The following THSD7B variants were observed in gnomAD, a reference collection of about 807,000 sequenced individuals.
The protein encoded by THSD7B is thrombospondin type 1 domain containing 7B.
A neutral mutation model predicts 213.6 loss-of-function variants in THSD7B; 138 were observed. That is an observed-to-expected ratio of 0.65 (90% confidence interval 0.56 to 0.74). The LOEUF (loss-of-function observed/expected upper bound fraction) is 0.74. THSD7B is among the 30% of genes least tolerant of loss of function. The pLI is 0.00. For missense variants in THSD7B, 1,931 were observed against 1,991.5 expected (o/e 0.97, Z 0.58); for synonymous variants, 742 against 687.0 (o/e 1.08, Z -1.25).
intron 1 of THSD7B, among the ~76,000 whole-genome samples, chr2:136,810,290 A>C (rs1440444000): frequency 2.0e-5 from 3 of 152,176 alleles, no homozygotes; most frequent in Non-Finnish European, 4.4e-5. Context: ...CTTTTGCCAG[A>C]GGAGATGGAA....
At chr2:137,522,778 G>T (rs1015986429) in intron 15 of THSD7B, among the ~76,000 whole-genome samples, 2 of 152,148 alleles carry the variant, frequency 1.3e-5, no homozygotes, top group Non-Finnish European at 2.9e-5. Flanking sequence ...GCAGAACAGG[G>T]CACTTAGGAA....
At chr2:137,181,888 T>C (rs1484610129) in intron 7 of THSD7B, among the ~76,000 whole-genome samples, 1 of 152,140 alleles carries the variant, frequency 6.6e-6, no homozygotes, top group African/African-American at 2.4e-5. Context: ...ATTATCAAGA[T>C]TATGTTTAAT....
intron 2 of THSD7B, among the ~76,000 whole-genome samples, chr2:136,958,655 A>T (rs1004181174): frequency 3.9e-5 from 6 of 152,224 alleles, no homozygotes; most frequent in Non-Finnish European, 7.3e-5. Context: ...AAGACTCTTT[A>T]ATTATTTTTG....
chr2:137,535,832 G>A (rs1680494662), intron 15 of THSD7B, among the ~76,000 whole-genome samples: 1 of 151,478 alleles, frequency 6.6e-6, no homozygotes, highest in African/African-American at 2.4e-5. Flanking sequence ...AATGATGTGA[G>A]GGGGATGCTG....
chr2:136,797,031 C>T (rs1480590478), intron 1 of THSD7B, among the ~76,000 whole-genome samples: 1 of 144,808 alleles, frequency 6.9e-6, no homozygotes, highest in Non-Finnish European at 1.6e-5. Context: ...AAACTGAAGA[C>T]TCATTTGTTT....
intron 2 of THSD7B, among the ~76,000 whole-genome samples, chr2:137,030,477 C>A (rs574316737): frequency 5.9e-5 from 9 of 152,208 alleles, no homozygotes; most frequent in African/African-American, 2.2e-4. Flanking sequence ...GCTGTGAGAT[C>A]TTGAACAGAC....
At chr2:137,479,319 G>C (rs1272371642) in intron 15 of THSD7B, among the ~76,000 whole-genome samples, 1 of 152,174 alleles carries the variant, frequency 6.6e-6, no homozygotes, top group Non-Finnish European at 1.5e-5. Context: ...AGGTGTCATT[G>C]GTGGTGGGTT....
At chr2:137,328,282 A>G (rs1037638372) in intron 12 of THSD7B, among the ~76,000 whole-genome samples, 1 of 152,190 alleles carries the variant, frequency 6.6e-6, no homozygotes, top group Non-Finnish European at 1.5e-5. Flanking sequence ...CAACAACAAC[A>G]ACAACAAACA....
intron 15 of THSD7B, among the ~76,000 whole-genome samples, chr2:137,501,795 C>T (rs1489031408): frequency 6.6e-6 from 1 of 152,166 alleles, no homozygotes; most frequent in Non-Finnish European, 1.5e-5. Flanking sequence ...ATCTCTGAAG[C>T]CACAGAATAG....
chr2:137,278,496 A>G (rs1008811063), intron 12 of THSD7B, among the ~76,000 whole-genome samples: 8 of 152,172 alleles, frequency 5.3e-5, no homozygotes, highest in African/African-American at 1.9e-4. Flanking sequence ...AATCTCCAAA[A>G]GCTTACCTTC....
At chr2:137,565,428 C>G (rs1448701585) in intron 16 of THSD7B, among the ~76,000 whole-genome samples, 1 of 151,972 alleles carries the variant, frequency 6.6e-6, no homozygotes, top group African/African-American at 2.4e-5. Context: ...AGAATGAGAC[C>G]ACAAGAATGA....
At position 137,494,078 on chromosome 2, in the gene THSD7B, G is replaced by A. The variant is rs370950078; in HGVS notation, c.3138+43055G>A. Among the ~76,000 whole-genome samples the A allele has an allele frequency of 2.3e-4, 35 of 152,270 alleles. No homozygotes were observed. The East Asian group carries it at 6.6e-3, about 29-fold the overall frequency. On this transcript the variant is annotated intron_variant, in intron 15 of 27. Transcript: ENST00000409968. The stretch of plus-strand genomic sequence containing the variant: ...TTCCTGCCTCTTGATTAACCAAAAT[G>A]CATGAAAGGAGAGCATTCATTATTA...
chr2:137,628,555 G>A (rs963057660), intron 20 of THSD7B, among the ~76,000 whole-genome samples: 5 of 151,852 alleles, frequency 3.3e-5, no homozygotes, highest in Non-Finnish European at 7.4e-5. Flanking sequence ...AATGAGAGGT[G>A]TTATTTGCGT....
chr2:137,526,848 G>A (rs111542780), intron 15 of THSD7B, among the ~76,000 whole-genome samples: 1 of 152,240 alleles, frequency 6.6e-6, no homozygotes, highest in Non-Finnish European at 1.5e-5. Flanking sequence ...TGTCTTGGAG[G>A]TTTGAACTGT....
In THSD7B at chr2:137,272,272, G is replaced by A. The variant is rs116427721; in HGVS notation, c.2267-261G>A. On this transcript the variant is annotated intron_variant, in intron 10 of 27. Transcript: ENST00000409968. Reference sequence around the variant, plus strand: ...ATGCCATAAAACTTTTATGCCATTGGTAAGGTAGATTCTAATTAAACATAT... The same window carrying A: ...ATGCCATAAAACTTTTATGCCATTGATAAGGTAGATTCTAATTAAACATAT... Among the ~76,000 whole-genome samples the A allele has an allele frequency of 7.0e-3, 1,067 of 152,160 alleles. 17 individuals are homozygous for A. Among genetic ancestry groups the A allele is most frequent in the African/African-American group, 0.025 (1,024 of 41,522 alleles).
intron 1 of THSD7B, among the ~76,000 whole-genome samples, chr2:136,828,382 C>A (rs1009871443): frequency 6.6e-6 from 1 of 152,122 alleles, no homozygotes; most frequent in African/African-American, 2.4e-5. Flanking sequence ...CATCTTGACT[C>A]TCTCCCTCCC....
chr2:137,084,766 C>A (rs1482552417), intron 3 of THSD7B, among the ~76,000 whole-genome samples: 1 of 152,134 alleles, frequency 6.6e-6, no homozygotes, highest in Non-Finnish European at 1.5e-5. Context: ...AGTTGAACAA[C>A]CTGCATCAAA....
In THSD7B at chr2:137,378,100, A is replaced by G. The variant is rs1255958433; in HGVS notation, c.2501-27513A>G. On this transcript the variant is annotated intron_variant, in intron 12 of 27. Transcript: ENST00000409968. The stretch of plus-strand genomic sequence containing the variant: ...AACTGAAATAAATGGAGCTACTCCA[A>G]GGTGTTGTAAAACCTGGGAGAGGAT... Among the ~76,000 whole-genome samples, 7 of 152,304 alleles carry G rather than the reference A, an allele frequency of 4.6e-5. 1 individual carries two copies. The highest frequency in any genetic ancestry group is 3.9e-4 in the Admixed American group (6 of 15,294).
intron 1 of THSD7B, among the ~76,000 whole-genome samples, chr2:136,869,390 A>G (rs1411271670): frequency 6.6e-6 from 1 of 152,202 alleles, no homozygotes; most frequent in Non-Finnish European, 1.5e-5. Context: ...GCTGTTCTCA[A>G]TTTAAATAAT....
Sources: gnomAD v4.1 joint callset for allele counts (sites outside exome capture counted in the v4.1 genomes callset) on GRCh38, gnomAD v4.1.1 for gene constraint, MANE v1.5 for transcripts, NCBI Gene and HGNC (gene_info 2026-07-23, HGNC 2026-07-21) for gene names.